Variants in ACBD6 observed in about 807,000 individuals in gnomAD.
ACBD6 encodes acyl-CoA-binding domain-containing protein 6.
ACBD6 carries 28 observed loss-of-function variants against 37.2 expected under a neutral mutation model. The ratio of observed to expected loss-of-function variants is 0.75; its 90% confidence interval spans 0.56 to 1.03. The LOEUF (loss-of-function observed/expected upper bound fraction) is 1.03. ACBD6 is among the 50% of genes least tolerant of loss of function. ACBD6 has a pLI of 0.00. For synonymous variants in ACBD6, 113 were observed against 126.8 expected (o/e 0.89, Z 0.73); for missense variants, 340 against 337.4 (o/e 1.01, Z -0.06).
chr1:180,362,455 A>G (rs1290828340), intron 6 of ACBD6, among the ~76,000 whole-genome samples: 2 of 152,184 alleles, frequency 1.3e-5, no homozygotes, highest in Non-Finnish European at 2.9e-5. Context: ...GAAAAAAAAG[A>G]TGACTGTTTT....
chr1:180,423,859 A>G (rs1015309518), intron 4 of ACBD6, among the ~76,000 whole-genome samples: 1 of 152,186 alleles, frequency 6.6e-6, no homozygotes, highest in Non-Finnish European at 1.5e-5. Context: ...CGCTTTCCTA[A>G]AAGTCTCTAC....
chr1:180,271,167 T>C lies in ACBD6; in HGVS notation c.*2058A>G. 3.2e-6 allele frequency: 2 copies of C among 630,608 alleles called. 1 individual carries two copies. Among genetic ancestry groups the C allele is most frequent in the Non-Finnish European group, 5.8e-6 (2 of 346,764 alleles). 39.1% of individuals were successfully genotyped at this position (630,608 alleles called of 1,614,324 possible). ...GGGAGCTGAGCAGAGAAAGGACTGC[T>C]GTCCTCACTTTTCAGTGGCTTGGGA... On this transcript the variant is annotated 3_prime_UTR_variant, in exon 14 of 14. Transcript: ENST00000642319.
intron 6 of ACBD6, among the ~76,000 whole-genome samples, chr1:180,375,086 G>A (rs935149244): frequency 2.0e-5 from 3 of 152,010 alleles, no homozygotes; most frequent in African/African-American, 7.2e-5. Flanking sequence ...CTATTTTATG[G>A]AGTTACATAA....
chr1:180,442,141 T>G (rs1649305383), intron 3 of ACBD6, among the ~76,000 whole-genome samples: 1 of 152,260 alleles, frequency 6.6e-6, no homozygotes. Context: ...CTTGTTTATC[T>G]TCATCATGTT....
chr1:180,489,666 T>G (rs1476748908), intron 3 of ACBD6, among the ~76,000 whole-genome samples: 1 of 151,908 alleles, frequency 6.6e-6, no homozygotes, highest in Non-Finnish European at 1.5e-5. Flanking sequence ...GCAAGTCGTT[T>G]TTTTTTTTGA....
At chr1:180,436,378 CA>C (rs1383550275) in intron 3 of ACBD6, among the ~76,000 whole-genome samples, 7 of 152,136 alleles carry the variant, frequency 4.6e-5, no homozygotes, top group African/African-American at 1.7e-4. Context: ...TTTTTTTAGA[CA>C]TATCTTCATG....
chr1:180,497,944 T>G (rs1265262875), intron 1 of ACBD6, among the ~76,000 whole-genome samples: 2 of 152,232 alleles, frequency 1.3e-5, no homozygotes, highest in Non-Finnish European at 2.9e-5. Flanking sequence ...TAAGGTCAGT[T>G]GCAACGAGGA....
At chr1:180,341,185 T>C (rs1457708278) in intron 6 of ACBD6, among the ~76,000 whole-genome samples, 2 of 152,154 alleles carry the variant, frequency 1.3e-5, no homozygotes, top group Non-Finnish European at 2.9e-5. Context: ...TTATGGAGTT[T>C]ACAACGTAGT....
intron 7 of ACBD6, among the ~76,000 whole-genome samples, chr1:180,297,902 A>G (rs1649985356): frequency 6.6e-6 from 1 of 152,118 alleles, no homozygotes; most frequent in South Asian, 2.1e-4. Context: ...CACCAAGCAC[A>G]GCTAATTGTT....
chr1:180,311,600 CAAAAGGTAGCTGGAG>C (rs983302915), intron 7 of ACBD6, among the ~76,000 whole-genome samples: 1 of 152,048 alleles, frequency 6.6e-6, no homozygotes, highest in Admixed American at 6.6e-5. Flanking sequence ...ACAGCCTTAG[CAAAAGGTAGCTGGAG>C]GCAAGGCAGA....
chr1:180,334,206 C>CA (rs1182456077), intron 6 of ACBD6, among the ~76,000 whole-genome samples: 1 of 152,214 alleles, frequency 6.6e-6, no homozygotes, highest in Admixed American at 6.5e-5. Flanking sequence ...TGAGAACAGA[C>CA]AGACTGCCTC....
intron 3 of ACBD6, among the ~76,000 whole-genome samples, chr1:180,484,499 T>G (rs12087729): frequency 6.6e-6 from 1 of 152,058 alleles, no homozygotes; most frequent in Non-Finnish European, 1.5e-5. Context: ...GGTTGTTCTG[T>G]TGGAGAAAGG....
intron 3 of ACBD6, among the ~76,000 whole-genome samples, chr1:180,490,490 A>C (rs1351686842): frequency 6.6e-6 from 1 of 151,436 alleles, no homozygotes; most frequent in Non-Finnish European, 1.5e-5. Context: ...AAAAAAAAAA[A>C]AGAGGCCAGG....
chr1:180,435,531 A>C (rs530819856), intron 3 of ACBD6: 2 of 752,736 alleles, frequency 2.7e-6, no homozygotes, highest in Non-Finnish European at 4.4e-6. Context: ...GATTACAGGC[A>C]TGAGCGACCA....
rs368447094 is a variant in ACBD6, at chr1:180,476,046, T to C, written c.384+16223A>G. On this transcript the variant is annotated intron_variant, in intron 3 of 7. Coordinates refer to ENST00000367595, the MANE Select transcript of ACBD6 (RefSeq NM_032360.4). ...TGTCTAGGCACTCAGGTATATATTA[T>C]GGCTAGGGGAAAATAGCAAAACAAA... 3.3e-5 allele frequency among the ~76,000 whole-genome samples: 5 copies of C among 152,208 alleles called. No homozygotes were observed. In the South Asian group the frequency reaches 8.3e-4, roughly 25 times the overall value.
At chr1:180,339,025 G>A (rs1397565154) in intron 6 of ACBD6, among the ~76,000 whole-genome samples, 1 of 152,178 alleles carries the variant, frequency 6.6e-6, no homozygotes, top group African/African-American at 2.4e-5. Context: ...AAAAAGTCAG[G>A]AAACAACAGG....
chr1:180,502,041 T>C lies in ACBD6; in HGVS notation c.222+4A>G. The C allele has an allele frequency of 6.2e-7, 1 of 1,613,364 alleles. No individual in the cohort carries two copies. The highest frequency in any genetic ancestry group is 1.1e-5 in the South Asian group (1 of 90,842). ...CCCCATCCACCCTCTCCCTGCTACT[T>C]TACCTGTTTGTACCTGGCATACAGG... On this transcript the variant is annotated splice_donor_region_variant and intron_variant, in intron 1 of 7. Transcript: ENST00000367595.
At chr1:180,298,883 G>C (rs1650019444) in intron 7 of ACBD6, among the ~76,000 whole-genome samples, 1 of 152,204 alleles carries the variant, frequency 6.6e-6, no homozygotes, top group Non-Finnish European at 1.5e-5. Context: ...TAAAGGACAA[G>C]GGTCCTTTTA....
At chr1:180,496,007 T>C (rs1220385497) in intron 1 of ACBD6, among the ~76,000 whole-genome samples, 2 of 152,154 alleles carry the variant, frequency 1.3e-5, no homozygotes, top group East Asian at 3.9e-4. Context: ...GTGTACTACT[T>C]TTAAAGTACC....
Sources: gnomAD v4.1 joint callset for allele counts (sites outside exome capture counted in the v4.1 genomes callset) on GRCh38, gnomAD v4.1.1 for gene constraint, MANE v1.5 for transcripts, NCBI Gene and HGNC (gene_info 2026-07-23, HGNC 2026-07-21) for gene names.